Variants in GPC6 observed in about 807,000 individuals in gnomAD.
GPC6 encodes the protein glypican-6.
A neutral mutation model predicts 55.2 loss-of-function variants in GPC6; 14 were observed. That is an observed-to-expected ratio of 0.25 (90% CI 0.17 to 0.40). The LOEUF (loss-of-function observed/expected upper bound fraction) is 0.40, where lower values mean the gene tolerates loss of function less well. Ranked by LOEUF, GPC6 falls within the 10% of genes least tolerant of loss-of-function variation. The pLI is 1.00. For synonymous variants in GPC6, 278 were observed against 259.6 expected (o/e 1.07, Z -0.68); for missense variants, 641 against 708.5 (o/e 0.90, Z 1.08).
intron 1 of GPC6, among the ~76,000 whole-genome samples, chr13:93,413,216 C>T (rs550046269): frequency 6.6e-6 from 1 of 152,280 alleles, no homozygotes; most frequent in East Asian, 1.9e-4. Flanking sequence ...TCTCTTTACA[C>T]TTATGGTGTC....
intron 1 of GPC6, among the ~76,000 whole-genome samples, chr13:93,500,066 C>T (rs913129051): frequency 1.4e-4 from 22 of 152,142 alleles, no homozygotes; most frequent in Non-Finnish European, 2.4e-4. Context: ...GCTTGTCATT[C>T]CCTCTGTTTC....
chr13:93,603,088 T>C (rs1242790354), intron 2 of GPC6, among the ~76,000 whole-genome samples: 2 of 152,180 alleles, frequency 1.3e-5, no homozygotes, highest in East Asian at 3.9e-4. Flanking sequence ...CAGCTCACTG[T>C]AGCCTCAACC....
At chr13:93,385,064 G>T (rs1258744007) in intron 1 of GPC6, among the ~76,000 whole-genome samples, 1 of 152,186 alleles carries the variant, frequency 6.6e-6, no homozygotes, top group Non-Finnish European at 1.5e-5. Flanking sequence ...AACACATTGG[G>T]AAAAGGGTGT....
intron 4 of GPC6, among the ~76,000 whole-genome samples, chr13:94,234,691 T>C (rs1291744447): frequency 1.3e-5 from 2 of 152,154 alleles, no homozygotes; most frequent in African/African-American, 2.4e-5. Context: ...TTAACTCTTT[T>C]TTTCCAGTGT....
chr13:93,861,135 A>G (rs767031903), intron 3 of GPC6, among the ~76,000 whole-genome samples: 1 of 151,572 alleles, frequency 6.6e-6, no homozygotes, highest in Non-Finnish European at 1.5e-5. Flanking sequence ...GCCACAATAT[A>G]CATTAAAAAT....
At chr13:93,539,675 A>C (rs2139424590) in intron 1 of GPC6, among the ~76,000 whole-genome samples, 1 of 148,340 alleles carries the variant, frequency 6.7e-6, no homozygotes, top group African/African-American at 2.5e-5. Context: ...ATATTAGCCA[A>C]GAGAGGAAGT....
chr13:94,293,453 C>T (rs944343043), intron 5 of GPC6, among the ~76,000 whole-genome samples: 1 of 152,182 alleles, frequency 6.6e-6, no homozygotes, highest in Non-Finnish European at 1.5e-5. Flanking sequence ...ACGCCTGCTT[C>T]TCCTGCCATG....
intron 3 of GPC6, among the ~76,000 whole-genome samples, chr13:93,842,175 A>G (rs1190473907): frequency 2.0e-5 from 3 of 152,170 alleles, no homozygotes; most frequent in Non-Finnish European, 4.4e-5. Flanking sequence ...CGCTTTAAAA[A>G]TTAGCAGAGA....
chr13:94,306,146 C>T lies in GPC6; in HGVS notation c.1152+23C>T, dbSNP rs201750279. 3 of 1,613,540 alleles carry T rather than the reference C, an allele frequency of 1.9e-6. No individual in the cohort carries two copies. In the Admixed American group the frequency reaches 5.0e-5, roughly 27 times the overall value. On this transcript the variant is annotated intron_variant, in intron 6 of 8. Transcript: ENST00000377047. ...CTGGTGAGTATTCACAGATTGATAA[C>T]CATGGCGGATGCTTTGTTTTACCAA...
At chr13:93,630,206 C>T (rs1399653277) in intron 2 of GPC6, among the ~76,000 whole-genome samples, 1 of 152,144 alleles carries the variant, frequency 6.6e-6, no homozygotes, top group Non-Finnish European at 1.5e-5. Context: ...TAGTATTAGG[C>T]ATATCTTCTC....
chr13:94,236,514 C>T (rs1890881279), intron 4 of GPC6, among the ~76,000 whole-genome samples: 1 of 152,054 alleles, frequency 6.6e-6, no homozygotes, highest in African/African-American at 2.4e-5. Flanking sequence ...GACATCAAGA[C>T]AATTGCATAA....
intron 2 of GPC6, among the ~76,000 whole-genome samples, chr13:93,779,651 G>A (rs1885576572): frequency 6.6e-6 from 1 of 152,168 alleles, no homozygotes; most frequent in Non-Finnish European, 1.5e-5. Flanking sequence ...GCTTATGTTA[G>A]CGTCGTATGT....
chr13:93,698,295 A>G (rs944881627), intron 2 of GPC6, among the ~76,000 whole-genome samples: 2 of 152,142 alleles, frequency 1.3e-5, no homozygotes, highest in Non-Finnish European at 2.9e-5. Context: ...TCCTCTAGAC[A>G]GACTCATTGT....
At chr13:93,447,169 T>C (rs1201251673) in intron 1 of GPC6, among the ~76,000 whole-genome samples, 1 of 152,210 alleles carries the variant, frequency 6.6e-6, no homozygotes. Context: ...CATTAACTCA[T>C]GACTTTATCA....
intron 5 of GPC6, among the ~76,000 whole-genome samples, chr13:94,295,279 A>G (rs184455207): frequency 6.6e-6 from 1 of 152,318 alleles, no homozygotes; most frequent in East Asian, 1.9e-4. Flanking sequence ...TAATCCATGT[A>G]AAATGTTTAC....
At chr13:94,094,813 A>G (rs965043228) in intron 4 of GPC6, among the ~76,000 whole-genome samples, 1 of 104,312 alleles carries the variant, frequency 9.6e-6, no homozygotes, top group Middle Eastern at 5.0e-3. Context: ...TAGTGTAATC[A>G]TTTAATAAAG....
intron 4 of GPC6, among the ~76,000 whole-genome samples, chr13:94,247,460 T>C (rs141800749): frequency 8.5e-5 from 13 of 152,234 alleles, no homozygotes; most frequent in Admixed American, 2.6e-4. Context: ...TTTCTCCCTC[T>C]TGATTATGAT....
At chr13:93,392,109 T>G (rs990994989) in intron 1 of GPC6, among the ~76,000 whole-genome samples, 1 of 152,222 alleles carries the variant, frequency 6.6e-6, no homozygotes, top group Non-Finnish European at 1.5e-5. Flanking sequence ...TCTGGAAATC[T>G]TGGAGTCTCA....
At chr13:93,509,750 A>G (rs1490283386) in intron 1 of GPC6, among the ~76,000 whole-genome samples, 1 of 152,216 alleles carries the variant, frequency 6.6e-6, no homozygotes, top group Admixed American at 6.5e-5. Flanking sequence ...AGTAAAAGAC[A>G]TGCAGGTGCT....
Sources: allele counts gnomAD v4.1 joint callset (sites outside exome capture counted in the v4.1 genomes callset), GRCh38; gene constraint gnomAD v4.1.1; transcripts MANE v1.5; gene names NCBI Gene and HGNC (gene_info 2026-07-23, HGNC 2026-07-21).